GRIK1: variants seen among roughly 807,000 people sequenced by gnomAD.
The protein encoded by GRIK1 is glutamate ionotropic receptor kainate type subunit 1.
In GRIK1, 69 loss-of-function variants were observed where a neutral mutation model predicts 105.7. The ratio of observed to expected loss-of-function variants is 0.65; its 90% CI spans 0.54 to 0.80. GRIK1 has a LOEUF of 0.80. Ranked by LOEUF, GRIK1 falls within the 30% of genes least tolerant of loss-of-function variation. The probability of loss-of-function intolerance (pLI) is 0.00; values close to 1 mark genes in which losing one functional copy is unlikely to be tolerated. For synonymous variants in GRIK1, 438 were observed against 431.3 expected (o/e 1.02, Z -0.19); for missense variants, 1,109 against 1,167.3 (o/e 0.95, Z 0.73).
chr21:29,873,128 G>A (rs2146144722), intron 1 of GRIK1, among the ~76,000 whole-genome samples: 2 of 152,286 alleles, frequency 1.3e-5, no homozygotes, highest in East Asian at 1.9e-4. Context: ...AATCTTTGAG[G>A]TAAAAAGAGC....
chr21:29,642,913 C>A lies in GRIK1; in HGVS notation c.1011G>T (p.Arg337=). Residue 337 remains arginine, a synonymous_variant, in exon 7 of 18, where the codon CGG becomes CGT. Coordinates refer to ENST00000327783, the MANE Select transcript of GRIK1 (RefSeq NM_001330994.2). ...GGGAGCTGACGGTCAGCTGGGATGCCCGGTGCGAGGCAATGGCCACCATGT... is the reference window on the plus strand; with the variant it reads ...GGGAGCTGACGGTCAGCTGGGATGCACGGTGCGAGGCAATGGCCACCATGT... ...AVYMVAIASH[R]ASQLTVSSLQ... is the part of the protein sequence containing the mutation. The A allele has an allele frequency of 6.2e-7, 1 of 1,613,920 alleles. No homozygotes were observed. Among genetic ancestry groups the A allele is most frequent in the Non-Finnish European group, 8.5e-7 (1 of 1,179,834 alleles).
intron 1 of GRIK1, among the ~76,000 whole-genome samples, chr21:29,882,779 C>T (rs2069469596): frequency 6.6e-6 from 1 of 152,062 alleles, no homozygotes; most frequent in South Asian, 2.1e-4. Context: ...GTTTCTATTT[C>T]TCCACACATG....
At chr21:29,678,080 G>A (rs530415113) in intron 3 of GRIK1, among the ~76,000 whole-genome samples, 1 of 152,278 alleles carries the variant, frequency 6.6e-6, no homozygotes, top group Admixed American at 6.5e-5. Context: ...AAGCATGAAT[G>A]TTATAAACCA....
chr21:29,770,086 C>T (rs2065776864), intron 1 of GRIK1, among the ~76,000 whole-genome samples: 1 of 152,130 alleles, frequency 6.6e-6, no homozygotes, highest in Non-Finnish European at 1.5e-5. Flanking sequence ...CTTCTGGATG[C>T]GGGGAGATCT....
At chr21:29,788,595 A>G (rs971752135) in intron 1 of GRIK1, among the ~76,000 whole-genome samples, 6 of 152,212 alleles carry the variant, frequency 3.9e-5, no homozygotes, top group African/African-American at 1.4e-4. Context: ...TTTCAGGATG[A>G]TTCAAGTGCA....
intron 1 of GRIK1, among the ~76,000 whole-genome samples, chr21:29,715,016 A>T (rs1156520266): frequency 1.7e-4 from 26 of 152,214 alleles, no homozygotes; most frequent in Non-Finnish European, 1.3e-4. Flanking sequence ...TAGGATAAGC[A>T]GTAGTGAATT....
At chr21:29,748,688 C>A (rs1163914127) in intron 1 of GRIK1, 1 of 152,260 alleles carries the variant, frequency 6.6e-6, no homozygotes, top group South Asian at 2.1e-4. Flanking sequence ...TCTGGGCCTA[C>A]CAAGATAGTT....
At chr21:29,920,375 C>T (rs548644139) in intron 1 of GRIK1, among the ~76,000 whole-genome samples, 4 of 152,146 alleles carry the variant, frequency 2.6e-5, no homozygotes, top group Admixed American at 2.0e-4. Context: ...GACCTTTGGA[C>T]GTCTGCATAT....
intron 7 of GRIK1, chr21:29,601,188 A>C (rs769347948): frequency 1.2e-5 from 6 of 499,980 alleles, no homozygotes; most frequent in Middle Eastern, 3.2e-4. Context: ...AAAGAACAAA[A>C]AGGCAGAGGA....
intron 4 of GRIK1, among the ~76,000 whole-genome samples, chr21:29,656,354 C>CAAAAAAAAAAAAAAAAAAAAAAAAA (rs3054331): frequency 2.0e-5 from 1 of 51,132 alleles, no homozygotes; most frequent in African/African-American, 5.3e-5. Context: ...GAGCGAGACT[C>CAAAAAAAAAAAAAAAAAAAAAAAAA]AAAAAAAAAA....
chr21:29,927,172 T>G (rs2071398313), intron 1 of GRIK1, among the ~76,000 whole-genome samples: 1 of 152,144 alleles, frequency 6.6e-6, no homozygotes, highest in Non-Finnish European at 1.5e-5. Flanking sequence ...AATAACTTTA[T>G]GTATGATTTG....
intron 1 of GRIK1, among the ~76,000 whole-genome samples, chr21:29,717,333 G>A (rs1281973086): frequency 6.6e-6 from 1 of 152,182 alleles, no homozygotes; most frequent in Non-Finnish European, 1.5e-5. Context: ...CAGACCCCAG[G>A]ATGATAGATC....
intron 1 of GRIK1, among the ~76,000 whole-genome samples, chr21:29,828,001 CTGTCTCTCTCTGTG>C (rs760342129): frequency 0.045 from 6,698 of 147,496 alleles, 196 homozygotes; most frequent in Middle Eastern, 0.066. Context: ...CTCTCTCTCT[CTGTCTCTCTCTGTG>C]TGTGTGTGTG....
At chr21:29,597,039 G>A (rs1043183815) in intron 8 of GRIK1, among the ~76,000 whole-genome samples, 1 of 151,950 alleles carries the variant, frequency 6.6e-6, no homozygotes, top group Non-Finnish European at 1.5e-5. Flanking sequence ...TTTGATTATG[G>A]GTTTCTGGGC....
intron 1 of GRIK1, among the ~76,000 whole-genome samples, chr21:29,916,728 A>T (rs1323366506): frequency 6.6e-6 from 1 of 151,920 alleles, no homozygotes; most frequent in Admixed American, 6.6e-5. Context: ...TCAGAAAGCC[A>T]AAGTGGATTA....
intron 1 of GRIK1, among the ~76,000 whole-genome samples, chr21:29,721,224 G>T (rs1365546196): frequency 6.6e-6 from 1 of 152,144 alleles, no homozygotes; most frequent in African/African-American, 2.4e-5. Context: ...TGATGTGCTT[G>T]TTGTCAGTTT....
intron 14 of GRIK1, among the ~76,000 whole-genome samples, chr21:29,568,379 T>C (rs561395135): frequency 2.2e-4 from 34 of 152,334 alleles, no homozygotes; most frequent in African/African-American, 6.7e-4. Flanking sequence ...TTGCTTCATT[T>C]CCACTGGTGC....
chr21:29,765,736 G>T (rs1448153684), intron 1 of GRIK1, among the ~76,000 whole-genome samples: 1 of 152,074 alleles, frequency 6.6e-6, no homozygotes, highest in Non-Finnish European at 1.5e-5. Flanking sequence ...AGCAAACTGG[G>T]TTATATTGTC....
At chr21:29,606,782 GT>G (rs1253634687) in intron 7 of GRIK1, among the ~76,000 whole-genome samples, 3 of 133,736 alleles carry the variant, frequency 2.2e-5, no homozygotes, top group African/African-American at 1.0e-4. Flanking sequence ...CTGACTCTCT[GT>G]CTCTGTTGTT....
Sources: gnomAD v4.1 joint callset for allele counts (sites outside exome capture counted in the v4.1 genomes callset) on GRCh38, gnomAD v4.1.1 for gene constraint, MANE v1.5 for transcripts, NCBI Gene and HGNC (gene_info 2026-07-23, HGNC 2026-07-21) for gene names.